HECW2: variants seen among roughly 807,000 people sequenced by gnomAD.
The protein encoded by HECW2 is E3 ubiquitin-protein ligase HECW2.
HECW2 carries 61 observed loss-of-function variants against 175.2 expected under a neutral mutation model. The observed-to-expected ratio is 0.35, with a 90% CI of 0.28 to 0.43. The LOEUF (loss-of-function observed/expected upper bound fraction) is 0.43, where lower values mean the gene tolerates loss of function less well. Among genes scored for constraint, HECW2 ranks in the 20% least tolerant of loss-of-function variants. The probability of loss-of-function intolerance (pLI) is 1.00; values close to 1 mark genes in which losing one functional copy is unlikely to be tolerated. For missense variants in HECW2, 1,524 were observed against 2,000.5 expected, an observed-to-expected ratio of 0.76 and a Z score of 4.54; for synonymous variants, 671 against 731.0, an observed-to-expected ratio of 0.92 and a Z score of 1.32.
At chr2:196,378,697 G>C (rs1443579117) in intron 2 of HECW2, among the ~76,000 whole-genome samples, 2 of 152,192 alleles carry the variant, frequency 1.3e-5, no homozygotes, top group African/African-American at 4.8e-5. Context: ...AACAAGCCAT[G>C]AGGAGAAGTG....
At chr2:196,373,613 A>G (rs185192956) in intron 2 of HECW2, among the ~76,000 whole-genome samples, 1 of 152,360 alleles carries the variant, frequency 6.6e-6, no homozygotes, top group African/African-American at 2.4e-5. Flanking sequence ...GGGTTTATAT[A>G]CAAACATCTC....
chr2:196,547,963 C>T (rs546449080), intron 1 of HECW2, among the ~76,000 whole-genome samples: 21 of 152,274 alleles, frequency 1.4e-4, no homozygotes, highest in Admixed American at 2.6e-4. Context: ...TGAGGGAATT[C>T]GAGTGAGGTC....
intron 2 of HECW2, among the ~76,000 whole-genome samples, chr2:196,346,356 C>A (rs1022688212): frequency 1.3e-5 from 2 of 152,112 alleles, no homozygotes; most frequent in African/African-American, 4.8e-5. Context: ...GAGGCCTGAA[C>A]CCTGGACAGA....
intron 21 of HECW2, among the ~76,000 whole-genome samples, chr2:196,232,892 C>G (rs150028002): frequency 6.6e-6 from 1 of 152,292 alleles, no homozygotes; most frequent in African/African-American, 2.4e-5. Context: ...AAGTTTTTAT[C>G]TGCTGACTTT....
intron 21 of HECW2, among the ~76,000 whole-genome samples, chr2:196,232,631 G>T (rs1315414445): frequency 6.6e-6 from 1 of 152,180 alleles, no homozygotes; most frequent in Non-Finnish European, 1.5e-5. Flanking sequence ...TGAAAACATT[G>T]TCAGAAATCA....
chr2:196,492,900 G>A (rs1467734545), intron 1 of HECW2, among the ~76,000 whole-genome samples: 5 of 152,134 alleles, frequency 3.3e-5, no homozygotes, highest in Non-Finnish European at 5.9e-5. Context: ...GGCTTTTCAA[G>A]TTTGTGATGT....
At chr2:196,273,728 A>G (rs1249610359) in intron 16 of HECW2, among the ~76,000 whole-genome samples, 3 of 152,308 alleles carry the variant, frequency 2.0e-5, no homozygotes, top group Admixed American at 6.5e-5. Flanking sequence ...TGCATAATGT[A>G]TTACCTTAAT....
chr2:196,536,993 A>G (rs1689042304), intron 1 of HECW2, among the ~76,000 whole-genome samples: 1 of 152,212 alleles, frequency 6.6e-6, no homozygotes, highest in South Asian at 2.1e-4. Flanking sequence ...GAAAGATGAA[A>G]TTAGTAAAAA....
intron 1 of HECW2, among the ~76,000 whole-genome samples, chr2:196,445,647 A>G (rs1575549771): frequency 6.6e-6 from 1 of 152,252 alleles, no homozygotes; most frequent in Non-Finnish European, 1.5e-5. Context: ...ACTGTAATGT[A>G]TAAGTGCAAA....
intron 2 of HECW2, among the ~76,000 whole-genome samples, chr2:196,411,415 C>T (rs79758666): frequency 0.023 from 3,458 of 152,198 alleles, 68 homozygotes; most frequent in South Asian, 0.087. Flanking sequence ...AGGAATTAAA[C>T]AAACAAACAA....
chr2:196,568,740 T>TA (rs1690270800), intron 1 of HECW2, among the ~76,000 whole-genome samples: 1 of 151,888 alleles, frequency 6.6e-6, no homozygotes, highest in South Asian at 2.1e-4. Flanking sequence ...ATCGCAAGGG[T>TA]AAAAAACCAA....
chr2:196,487,974 G>A (rs1007011234), intron 1 of HECW2, among the ~76,000 whole-genome samples: 5 of 152,130 alleles, frequency 3.3e-5, no homozygotes, highest in African/African-American at 1.2e-4. Flanking sequence ...ATAAAGCAAA[G>A]CTCTAGAACT....
At chr2:196,281,541 GA>G (rs778588769) in intron 14 of HECW2, among the ~76,000 whole-genome samples, 2 of 143,548 alleles carry the variant, frequency 1.4e-5, no homozygotes, top group South Asian at 2.3e-4. Context: ...TTGGGAGGCT[GA>G]AGTGAGAGGA....
chr2:196,257,732 C>T lies in HECW2; in HGVS notation c.3419+91G>A, dbSNP rs1481542458. On this transcript the variant is annotated intron_variant, in intron 18 of 28. Transcript: ENST00000644978. ...CTAAAGAATAAGAACAATTTTTAGG[C>T]TATGAATATTGGCATATTATTTTCT... 7.8e-6 allele frequency: 7 copies of T among 893,800 alleles called. No homozygotes were observed. In the Admixed American group the frequency reaches 1.1e-4, roughly 14 times the overall value. The allele number at this position is 893,800 out of a possible 1,614,324, so 55.4% of individuals were successfully genotyped here.
intron 13 of HECW2, among the ~76,000 whole-genome samples, chr2:196,296,646 G>T (rs1021217532): frequency 6.6e-6 from 1 of 152,188 alleles, no homozygotes; most frequent in Admixed American, 6.5e-5. Context: ...GATGAGCAAG[G>T]CCTGATCATT....
rs547915050 is a variant in HECW2, at chr2:196,560,124, C to T, written c.-36+33384G>A. ...CCTGAGAGTCTGTATTTCTATGAAG[C>T]ACCCTGATGATGTTGCTGCTGCAGG... On this transcript the variant is annotated intron_variant, in intron 1 of 28. Coordinates refer to ENST00000644978, the MANE Select transcript of HECW2 (RefSeq NM_001348768.2). Among the ~76,000 whole-genome samples, 8 of 152,238 alleles carry T rather than the reference C, an allele frequency of 5.3e-5. No homozygotes were observed. In the East Asian group the frequency reaches 1.4e-3, roughly 26 times the overall value.
chr2:196,352,451 T>G (rs1249492153), intron 2 of HECW2, among the ~76,000 whole-genome samples: 1 of 152,200 alleles, frequency 6.6e-6, no homozygotes, highest in Non-Finnish European at 1.5e-5. Context: ...ATCTCTGACA[T>G]GGACCTCATC....
At chr2:196,236,480 T>C (rs1432844511) in intron 21 of HECW2, among the ~76,000 whole-genome samples, 1 of 152,224 alleles carries the variant, frequency 6.6e-6, no homozygotes. Context: ...TAAACCAATA[T>C]TGATACACTA....
chr2:196,332,183 T>C (rs1692389921), intron 4 of HECW2, among the ~76,000 whole-genome samples: 1 of 152,162 alleles, frequency 6.6e-6, no homozygotes, highest in African/African-American at 2.4e-5. Context: ...TTTCCTTCCC[T>C]GTGGAGTTTC....
Sources: gnomAD v4.1 joint callset for allele counts (sites outside exome capture counted in the v4.1 genomes callset) on GRCh38, gnomAD v4.1.1 for gene constraint, MANE v1.5 for transcripts, NCBI Gene and HGNC (gene_info 2026-07-23, HGNC 2026-07-21) for gene names.